The following SPAG16 variants were observed in gnomAD, a reference collection of about 807,000 sequenced individuals.
The protein encoded by SPAG16 is sperm associated antigen 16.
A neutral mutation model predicts 80.4 loss-of-function variants in SPAG16; 86 were observed. That is an observed-to-expected ratio of 1.07 (90% CI 0.90 to 1.28). The LOEUF is 1.28. SPAG16 is among the 50% of genes most tolerant of loss of function. The pLI is 0.00. For missense variants in SPAG16, 870 were observed against 765.3 expected, an observed-to-expected ratio of 1.14 and a Z score of -1.61; for synonymous variants, 294 against 265.9, an observed-to-expected ratio of 1.11 and a Z score of -1.03.
chr2:213,494,908 C>T lies in SPAG16; in HGVS notation c.1070+4818C>T, dbSNP rs73988519. Among the ~76,000 whole-genome samples the T allele has an allele frequency of 2.6e-3, 396 of 152,318 alleles. 3 individuals are homozygous for T. Among genetic ancestry groups the T allele is most frequent in the African/African-American group, 8.5e-3 (355 of 41,566 alleles). ...GTCTTTCCACTACCTTCTCCACAGA[C>T]TCCCAGTATTACTTCTCCAGTTTTT... is the stretch of plus-strand genomic sequence containing the variant. On this transcript the variant is annotated intron_variant, in intron 10 of 15. Transcript: ENST00000331683.
chr2:213,736,729 A>G (rs2067300097), intron 10 of SPAG16, among the ~76,000 whole-genome samples: 1 of 147,772 alleles, frequency 6.8e-6, no homozygotes, highest in African/African-American at 2.5e-5. Context: ...TTTGAGACAG[A>G]GTTTCACTTT....
At chr2:213,485,218 T>A (rs1294055672) in intron 9 of SPAG16, among the ~76,000 whole-genome samples, 3 of 152,116 alleles carry the variant, frequency 2.0e-5, no homozygotes, top group Non-Finnish European at 2.9e-5. Flanking sequence ...GGTCTCGAAC[T>A]CCTGAGCTCA....
At chr2:214,162,893 C>G (rs1346978598) in intron 15 of SPAG16, among the ~76,000 whole-genome samples, 1 of 152,032 alleles carries the variant, frequency 6.6e-6, no homozygotes, top group Non-Finnish European at 1.5e-5. Context: ...ATCTTCTATG[C>G]AAATATAGAC....
intron 10 of SPAG16, among the ~76,000 whole-genome samples, chr2:213,799,693 A>C (rs1274950422): frequency 6.6e-6 from 1 of 152,182 alleles, no homozygotes; most frequent in East Asian, 1.9e-4. Flanking sequence ...TAGAAAATAT[A>C]ACATAAATGA....
intron 13 of SPAG16, among the ~76,000 whole-genome samples, chr2:214,088,926 C>T (rs2125302829): frequency 6.6e-6 from 1 of 152,132 alleles, no homozygotes; most frequent in Non-Finnish European, 1.5e-5. Flanking sequence ...AAATGGCACA[C>T]CAATTTCACT....
intron 15 of SPAG16, among the ~76,000 whole-genome samples, chr2:214,175,245 G>GTATATATATATATATAAAGAAATGTA (rs10627580): frequency 2.1e-5 from 3 of 142,888 alleles, no homozygotes; most frequent in East Asian, 2.0e-4. Context: ...ATAAAGAAAT[G>GTATATATATATATATAAAGAAATGTA]TATATATATA....
intron 11 of SPAG16, among the ~76,000 whole-genome samples, chr2:213,880,663 G>T (rs563394037): frequency 2.6e-5 from 4 of 152,234 alleles, no homozygotes; most frequent in South Asian, 2.1e-4. Flanking sequence ...TATGATGAAA[G>T]GTAAGGGTCC....
At chr2:213,688,544 AT>A (rs1196347586) in intron 10 of SPAG16, among the ~76,000 whole-genome samples, 2 of 152,210 alleles carry the variant, frequency 1.3e-5, no homozygotes, top group African/African-American at 2.4e-5. Flanking sequence ...CCAGAGTCAG[AT>A]TGGAAAGTAA....
At chr2:214,308,886 G>A (rs1912173) in intron 15 of SPAG16, among the ~76,000 whole-genome samples, 7,843 of 152,140 alleles carry the variant, frequency 0.052, 674 homozygotes, top group African/African-American at 0.18. Context: ...TTCTTGTGGA[G>A]TGTCTTACTG....
At chr2:213,843,369 T>C (rs2074459410) in intron 10 of SPAG16, among the ~76,000 whole-genome samples, 1 of 152,196 alleles carries the variant, frequency 6.6e-6, no homozygotes, top group South Asian at 2.1e-4. Context: ...ACTTGGTTCA[T>C]GTTATTCACA....
intron 10 of SPAG16, among the ~76,000 whole-genome samples, chr2:213,694,048 A>AG (rs1559382091): frequency 1.3e-5 from 2 of 151,840 alleles, no homozygotes; most frequent in Non-Finnish European, 2.9e-5. Context: ...AAGACAAAAA[A>AG]AAAAAAGAAA....
intron 10 of SPAG16, among the ~76,000 whole-genome samples, chr2:213,590,052 T>G (rs2060630594): frequency 6.6e-6 from 1 of 152,166 alleles, no homozygotes; most frequent in Non-Finnish European, 1.5e-5. Flanking sequence ...TATGACTGTA[T>G]TAATGTTTCT....
intron 10 of SPAG16, among the ~76,000 whole-genome samples, chr2:213,620,355 C>T (rs555334395): frequency 1.0e-3 from 134 of 130,228 alleles, no homozygotes; most frequent in Middle Eastern, 6.1e-3. Context: ...TGCAGTGGCA[C>T]GATCTCCGCT....
chr2:213,725,996 T>A (rs1036765515), intron 10 of SPAG16, among the ~76,000 whole-genome samples: 3 of 152,176 alleles, frequency 2.0e-5, no homozygotes, highest in Non-Finnish European at 2.9e-5. Context: ...TTTTCGGCAT[T>A]TCTCAACATC....
At chr2:213,760,694 C>G (rs2068609233) in intron 10 of SPAG16, among the ~76,000 whole-genome samples, 1 of 152,132 alleles carries the variant, frequency 6.6e-6, no homozygotes, top group Non-Finnish European at 1.5e-5. Flanking sequence ...TAGAAAGTAT[C>G]TTCTCTGATC....
Position 214,176,224 on chromosome 2 carries a change from A to G in SPAG16, c.1720+26958A>G, listed in dbSNP as rs187031804. On this transcript the variant is annotated intron_variant, in intron 15 of 15. Coordinates refer to ENST00000331683, the MANE Select transcript of SPAG16 (RefSeq NM_024532.5). ...TATGTGGTGAAATGGATCCAAATGAACAATATCTAAGTAGATAAATGTTAA... is the reference window on the plus strand; with the variant it reads ...TATGTGGTGAAATGGATCCAAATGAGCAATATCTAAGTAGATAAATGTTAA... Among the ~76,000 whole-genome samples, 10 of 151,422 alleles carry G rather than the reference A, an allele frequency of 6.6e-5. No homozygotes were observed. In the East Asian group the frequency reaches 1.8e-3, roughly 27 times the overall value.
chr2:214,041,959 T>C (rs1427530726), intron 13 of SPAG16, among the ~76,000 whole-genome samples: 1 of 128,300 alleles, frequency 7.8e-6, no homozygotes, highest in African/African-American at 2.8e-5. Flanking sequence ...TTTGTGTATA[T>C]ATTTGTGTGT....
intron 9 of SPAG16, among the ~76,000 whole-genome samples, chr2:213,401,197 T>G (rs1315716350): frequency 1.3e-5 from 2 of 152,252 alleles, no homozygotes; most frequent in African/African-American, 2.4e-5. Flanking sequence ...CTACAGAAGC[T>G]TGATATATGC....
intron 8 of SPAG16, among the ~76,000 whole-genome samples, chr2:213,368,958 G>A (rs1275630395): frequency 1.3e-5 from 2 of 152,134 alleles, no homozygotes; most frequent in Non-Finnish European, 2.9e-5. Flanking sequence ...TGGATAGGAA[G>A]AATCAATATC....
Sources: gnomAD v4.1 joint callset for allele counts (sites outside exome capture counted in the v4.1 genomes callset) on GRCh38, gnomAD v4.1.1 for gene constraint, MANE v1.5 for transcripts, NCBI Gene and HGNC (gene_info 2026-07-23, HGNC 2026-07-21) for gene names.